The following GPHN variants were observed in gnomAD, a reference collection of about 807,000 sequenced individuals.
The protein encoded by GPHN is gephyrin.
GPHN carries 17 observed loss-of-function variants against 95.5 expected under a neutral mutation model. The observed-to-expected ratio is 0.18, with a 90% CI of 0.12 to 0.27. GPHN has a LOEUF of 0.27. Ranked by LOEUF, GPHN falls within the 10% of genes least tolerant of loss-of-function variation. The pLI is 1.00. For synonymous variants in GPHN, 320 were observed against 322.5 expected, an observed-to-expected ratio of 0.99 and a Z score of 0.08; for missense variants, 660 against 978.1, an observed-to-expected ratio of 0.67 and a Z score of 4.34.
chr14:66,724,002 C>A (rs2070997102), intron 2 of GPHN, among the ~76,000 whole-genome samples: 1 of 151,652 alleles, frequency 6.6e-6, no homozygotes, highest in Non-Finnish European at 1.5e-5. Context: ...CACACACACA[C>A]ACACACACAC....
intron 2 of GPHN, among the ~76,000 whole-genome samples, chr14:66,703,377 A>G (rs920669255): frequency 8.5e-5 from 13 of 152,090 alleles, no homozygotes; most frequent in Admixed American, 7.2e-4. Context: ...AGGAAAAAGT[A>G]TTAAGGACAG....
At chr14:66,570,035 A>G (rs1182368778) in intron 1 of GPHN, among the ~76,000 whole-genome samples, 1 of 128,802 alleles carries the variant, frequency 7.8e-6, no homozygotes, top group Non-Finnish European at 1.5e-5. Context: ...GTGAAATAAT[A>G]TTCTATTTGT....
chr14:67,498,682 T>A, the GPHN span, among the ~76,000 whole-genome samples: 1 of 152,184 alleles, frequency 6.6e-6, no homozygotes, highest in South Asian at 2.1e-4. Context: ...GTTTTCCTTT[T>A]TAAGACAGAG....
intron 10 of GPHN, among the ~76,000 whole-genome samples, chr14:67,024,534 TA>T (rs985203600): frequency 2.0e-5 from 3 of 152,244 alleles, no homozygotes; most frequent in African/African-American, 7.2e-5. Context: ...ATGTCAGCAT[TA>T]TTTTTGTGTT....
intron 12 of GPHN, among the ~76,000 whole-genome samples, chr14:67,094,545 G>A (rs1411616294): frequency 2.6e-5 from 4 of 152,122 alleles, no homozygotes; most frequent in Non-Finnish European, 4.4e-5. Flanking sequence ...ATGACGTACT[G>A]TGGTTTACTT....
intron 19 of GPHN, among the ~76,000 whole-genome samples, chr14:67,161,122 A>G (rs1268639889): frequency 6.6e-6 from 1 of 152,042 alleles, no homozygotes; most frequent in Non-Finnish European, 1.5e-5. Flanking sequence ...GAGAAACCCC[A>G]TCTCTATAAA....
At chr14:66,728,576 A>G (rs1026705844) in intron 2 of GPHN, among the ~76,000 whole-genome samples, 3 of 152,186 alleles carry the variant, frequency 2.0e-5, no homozygotes, top group African/African-American at 7.2e-5. Flanking sequence ...AGATCATTTG[A>G]TTTGACGTAA....
intron 1 of GPHN, among the ~76,000 whole-genome samples, chr14:66,545,988 G>T (rs183544181): frequency 0.03 from 4,564 of 151,088 alleles, 251 homozygotes; most frequent in African/African-American, 0.1. Flanking sequence ...GCGGCTTCGG[G>T]GGGGAGGGGC....
chr14:67,315,856 C>T, the GPHN span, among the ~76,000 whole-genome samples: 2 of 152,192 alleles, frequency 1.3e-5, no homozygotes, highest in Non-Finnish European at 2.9e-5. Context: ...ACCTGGAAGG[C>T]GGAGGTTGCG....
chr14:67,651,951 G>A, the GPHN span, among the ~76,000 whole-genome samples: 6 of 152,178 alleles, frequency 3.9e-5, no homozygotes, highest in African/African-American at 7.2e-5. Flanking sequence ...TAGTATAGGA[G>A]CTTAAAAATT....
At chr14:67,431,401 A>AC in the GPHN span, among the ~76,000 whole-genome samples, 1 of 95,228 alleles carries the variant, frequency 1.1e-5, no homozygotes, top group Non-Finnish European at 2.3e-5. Context: ...CAAAAAAAAA[A>AC]AAAAAAAAAA....
chr14:66,601,663 T>G (rs2062250847), intron 1 of GPHN, among the ~76,000 whole-genome samples: 1 of 151,942 alleles, frequency 6.6e-6, no homozygotes, highest in South Asian at 2.1e-4. Context: ...ATGATTTTCT[T>G]ATTATGGAAG....
the GPHN span, among the ~76,000 whole-genome samples, chr14:67,329,323 AT>A: frequency 6.6e-6 from 1 of 152,150 alleles, no homozygotes; most frequent in Non-Finnish European, 1.5e-5. Context: ...CTGCACATTG[AT>A]TTTGTATCCT....
chr14:67,216,489 TA>T, the GPHN span, among the ~76,000 whole-genome samples: 1 of 152,184 alleles, frequency 6.6e-6, no homozygotes, highest in African/African-American at 2.4e-5. Flanking sequence ...GGTGCATCAT[TA>T]GGTTATTTAT....
At chr14:66,988,288 T>C (rs1460564832) in intron 9 of GPHN, among the ~76,000 whole-genome samples, 1 of 152,082 alleles carries the variant, frequency 6.6e-6, no homozygotes, top group Non-Finnish European at 1.5e-5. Flanking sequence ...TCACTATTTC[T>C]TATACAATTG....
At chr14:66,509,796 C>T (rs1489361212) in intron 1 of GPHN, among the ~76,000 whole-genome samples, 1 of 151,766 alleles carries the variant, frequency 6.6e-6, no homozygotes, top group Non-Finnish European at 1.5e-5. Context: ...CAGGTCGAGA[C>T]GGTGCTCGAG....
At chr14:67,063,886 A>G (rs113637432) in intron 11 of GPHN, among the ~76,000 whole-genome samples, 3 of 152,198 alleles carry the variant, frequency 2.0e-5, no homozygotes, top group Non-Finnish European at 4.4e-5. Context: ...AACAGAGACA[A>G]TTTGACTTCC....
the GPHN span, among the ~76,000 whole-genome samples, chr14:67,632,191 C>T: frequency 1.3e-5 from 2 of 152,152 alleles, no homozygotes; most frequent in African/African-American, 2.4e-5. Flanking sequence ...CCAGCAAAAA[C>T]TTTATCTCTA....
At chr14:67,722,993 C>A in the GPHN span, among the ~76,000 whole-genome samples, 318 of 152,320 alleles carry the variant, frequency 2.1e-3, 2 homozygotes, top group Middle Eastern at 0.027. Context: ...AGTAGCTCAA[C>A]AAACACCTTA....
Sources: gnomAD v4.1 joint callset for allele counts (sites outside exome capture counted in the v4.1 genomes callset) on GRCh38, gnomAD v4.1.1 for gene constraint, MANE v1.5 for transcripts, NCBI Gene and HGNC (gene_info 2026-07-23, HGNC 2026-07-21) for gene names.